Variants in ANKRD44 observed in about 807,000 individuals in gnomAD.
ANKRD44 encodes ankyrin repeat domain 44.
ANKRD44 carries 35 observed loss-of-function variants against 116.0 expected under a neutral mutation model. The observed-to-expected ratio is 0.30, with a 90% CI of 0.23 to 0.40. The LOEUF is 0.40. Ranked by LOEUF, ANKRD44 falls within the 10% of genes least tolerant of loss-of-function variation. ANKRD44 has a pLI of 1.00. For synonymous variants in ANKRD44, 435 were observed against 461.8 expected (o/e 0.94, Z 0.74); for missense variants, 1,014 against 1,242.6 (o/e 0.82, Z 2.77).
At chr2:197,272,383 ACG>A (rs1203135063) in intron 1 of ANKRD44, among the ~76,000 whole-genome samples, 6 of 152,100 alleles carry the variant, frequency 3.9e-5, no homozygotes, top group Non-Finnish European at 7.4e-5. Flanking sequence ...GACTACAGGC[ACG>A]TGCCACCACG....
At chr2:197,077,010 G>A (rs1004257083) in intron 16 of ANKRD44, among the ~76,000 whole-genome samples, 4 of 152,058 alleles carry the variant, frequency 2.6e-5, no homozygotes, top group Non-Finnish European at 5.9e-5. Flanking sequence ...ATATTCCTTT[G>A]GGTATACACC....
chr2:197,150,766 G>A (rs1396806672), intron 2 of ANKRD44, among the ~76,000 whole-genome samples: 2 of 152,122 alleles, frequency 1.3e-5, no homozygotes, highest in Admixed American at 1.3e-4. Flanking sequence ...TAGAGTGCAG[G>A]GATAGGTCAA....
intron 2 of ANKRD44, among the ~76,000 whole-genome samples, chr2:197,164,178 C>G (rs976181544): frequency 6.6e-6 from 1 of 152,180 alleles, no homozygotes; most frequent in African/African-American, 2.4e-5. Flanking sequence ...TCCCGGGGAG[C>G]GAGGCTCCTT....
intron 9 of ANKRD44, 66 bp downstream of exon 9, chr2:197,110,700 G>T: frequency 1.5e-6 from 2 of 1,340,660 alleles, no homozygotes; most frequent in South Asian, 1.2e-5. Context: ...ATATGCAGGT[G>T]ACTGACAGCC....
chr2:197,290,018 G>A lies in ANKRD44; in HGVS notation c.27+20560C>T, dbSNP rs1005575054. On this transcript the variant is annotated intron_variant, in intron 1 of 27. Transcript: ENST00000282272. ...TGAGATTACAGGTGCCCGCCACCACGCCTGGCTAATATTTGTATTTTAGGA... is the reference window on the plus strand; with the variant it reads ...TGAGATTACAGGTGCCCGCCACCACACCTGGCTAATATTTGTATTTTAGGA... 6.6e-5 allele frequency among the ~76,000 whole-genome samples: 10 copies of A among 151,898 alleles called. No homozygotes were observed. In the Middle Eastern group the frequency reaches 0.01, roughly 155 times the overall value.
At chr2:197,065,229 GA>G (rs1410874495) in intron 16 of ANKRD44, among the ~76,000 whole-genome samples, 1 of 152,168 alleles carries the variant, frequency 6.6e-6, no homozygotes, top group Non-Finnish European at 1.5e-5. Context: ...AATGAAGGCA[GA>G]AATAAAGATG....
rs934330547 is a variant in ANKRD44, at chr2:197,224,770, G to A, written c.28-37664C>T. Among the ~76,000 whole-genome samples the A allele has an allele frequency of 9.2e-5, 14 of 152,214 alleles. No individual in the cohort carries two copies. The South Asian group carries it at 1.5e-3, about 16-fold the overall frequency. ...TTTCTAGGAAAAAAGGTGAAGGGTTGGTAATGATGATAAACATTGGTTGTT... is the reference window on the plus strand; with the variant it reads ...TTTCTAGGAAAAAAGGTGAAGGGTTAGTAATGATGATAAACATTGGTTGTT... On this transcript the variant is annotated intron_variant, in intron 1 of 27. Coordinates refer to ENST00000282272, the MANE Select transcript of ANKRD44 (RefSeq NM_001195144.2).
At chr2:197,210,664 A>C (rs2081303876) in intron 1 of ANKRD44, among the ~76,000 whole-genome samples, 1 of 151,666 alleles carries the variant, frequency 6.6e-6, no homozygotes, top group African/African-American at 2.4e-5. Flanking sequence ...GATCACCCCC[A>C]CCTGTTGGAA....
At position 196,975,790 on chromosome 2, in the gene ANKRD44, A is replaced by G. The variant is rs1356842040; in HGVS notation, c.2369-8344T>C. ...GTGACAGAGCTAGTCTCTGTCTCAA[A>G]AAAAAAAAAGAAAAAGAAAAAAGAA... On this transcript the variant is annotated intron_variant, in intron 21 of 21. Coordinates refer to the ANKRD44 transcript ENST00000424317. Among the ~76,000 whole-genome samples the G allele has an allele frequency of 4.3e-4, 60 of 139,124 alleles. 1 individual carries two copies. Among genetic ancestry groups the G allele is most frequent in the Admixed American group, 2.5e-3 (33 of 13,192 alleles). The allele number at this position is 139,124 out of a possible 152,430, so 91.3% of individuals were successfully genotyped here. A position where few individuals can be genotyped will look rare whatever the true frequency, so the allele number is the denominator to read the frequency against.
intron 2 of ANKRD44, among the ~76,000 whole-genome samples, chr2:197,186,608 T>TTTTC (rs1315080110): frequency 6.1e-4 from 62 of 101,118 alleles, no homozygotes; most frequent in East Asian, 5.7e-3. Flanking sequence ...CCCGGCTAAT[T>TTTTC]TTTCTTTTTT....
chr2:197,276,013 C>T (rs2083071035), intron 1 of ANKRD44, among the ~76,000 whole-genome samples: 1 of 152,072 alleles, frequency 6.6e-6, no homozygotes, highest in Non-Finnish European at 1.5e-5. Context: ...CAGTGGCTCA[C>T]GCCTGTAATC....
chr2:197,073,945 T>C (rs2077611955), intron 16 of ANKRD44, among the ~76,000 whole-genome samples: 1 of 152,208 alleles, frequency 6.6e-6, no homozygotes, highest in Non-Finnish European at 1.5e-5. Context: ...GCCAAATTCA[T>C]TCATGGTAAA....
chr2:197,064,798 C>T (rs1024076401), intron 16 of ANKRD44, among the ~76,000 whole-genome samples: 4 of 152,118 alleles, frequency 2.6e-5, no homozygotes, highest in African/African-American at 9.7e-5. Context: ...CCCAGATTCA[C>T]AAAGCAAGTC....
chr2:197,164,132 G>A (rs1039619854), intron 2 of ANKRD44, among the ~76,000 whole-genome samples: 21 of 152,216 alleles, frequency 1.4e-4, no homozygotes, highest in African/African-American at 5.1e-4. Flanking sequence ...CAGCCCTGTC[G>A]CTGGGCTAGA....
At chr2:197,235,984 T>C (rs957910657) in intron 1 of ANKRD44, among the ~76,000 whole-genome samples, 3 of 152,172 alleles carry the variant, frequency 2.0e-5, no homozygotes, top group Non-Finnish European at 2.9e-5. Flanking sequence ...CAGTAAATTC[T>C]GACTTTAAGA....
At chr2:196,989,986 G>A (rs2075889934) in intron 27 of ANKRD44, 1 of 1,036,404 alleles carries the variant, frequency 9.6e-7, no homozygotes, top group Non-Finnish European at 1.2e-6. Context: ...ATAAATTTGG[G>A]TTCAATCACT....
chr2:196,973,541 A>G (rs1353075781), intron 21 of ANKRD44, among the ~76,000 whole-genome samples: 2 of 152,198 alleles, frequency 1.3e-5, no homozygotes, highest in African/African-American at 4.8e-5. Flanking sequence ...TCTTTGAACA[A>G]CATCAAAGGA....
chr2:197,234,405 TG>T (rs1185556345), intron 1 of ANKRD44, among the ~76,000 whole-genome samples: 2 of 152,212 alleles, frequency 1.3e-5, no homozygotes, highest in African/African-American at 4.8e-5. Flanking sequence ...TTGCCCAGGC[TG>T]GTCTTGAACT....
intron 21 of ANKRD44, chr2:196,967,549 CA>C: frequency 2.5e-6 from 1 of 404,124 alleles, no homozygotes; most frequent in Non-Finnish European, 5.2e-6. Context: ...TTAATTTTCT[CA>C]AAATGGGGGA....
Sources: gnomAD v4.1 joint callset for allele counts (sites outside exome capture counted in the v4.1 genomes callset) on GRCh38, gnomAD v4.1.1 for gene constraint, MANE v1.5 for transcripts, NCBI Gene and HGNC (gene_info 2026-07-23, HGNC 2026-07-21) for gene names.